The following HDAC4 variants were observed in gnomAD, a reference collection of about 807,000 sequenced individuals.
HDAC4 encodes histone deacetylase A.
A neutral mutation model predicts 135.1 loss-of-function variants in HDAC4; 16 were observed. The observed-to-expected ratio is 0.12, with a 90% CI of 0.08 to 0.18. HDAC4 has a LOEUF of 0.18. HDAC4 is among the 10% of genes least tolerant of loss of function. The pLI, the probability that HDAC4 is intolerant of heterozygous loss-of-function variation, is 1.00. For synonymous variants in HDAC4, 685 were observed against 653.4 expected (o/e 1.05, Z -0.74); for missense variants, 1,143 against 1,511.8 (o/e 0.76, Z 4.05).
At chr2:239,097,459 C>T (rs2037213223) in intron 16 of HDAC4, among the ~76,000 whole-genome samples, 1 of 152,242 alleles carries the variant, frequency 6.6e-6, no homozygotes, top group African/African-American at 2.4e-5. Context: ...CCCGTGTCCA[C>T]ATGTCAGCGT....
At chr2:239,112,473 C>A (rs1464867247) in intron 13 of HDAC4, among the ~76,000 whole-genome samples, 1 of 152,216 alleles carries the variant, frequency 6.6e-6, no homozygotes, top group Non-Finnish European at 1.5e-5. Flanking sequence ...TTCTGGGCAC[C>A]CAGGACCTTT....
At chr2:239,098,169 T>C (rs1315141366) in intron 16 of HDAC4, among the ~76,000 whole-genome samples, 1 of 152,212 alleles carries the variant, frequency 6.6e-6, no homozygotes, top group Admixed American at 6.5e-5. Context: ...TGCATGCGTA[T>C]AGGAATGGAG....
At chr2:239,129,222 C>G (rs1284505679) in intron 11 of HDAC4, among the ~76,000 whole-genome samples, 1 of 152,202 alleles carries the variant, frequency 6.6e-6, no homozygotes, top group African/African-American at 2.4e-5. Context: ...ACACCCTACC[C>G]CTGGGTATCC....
chr2:239,342,040 G>A (rs893084845), intron 2 of HDAC4, among the ~76,000 whole-genome samples: 4 of 152,124 alleles, frequency 2.6e-5, no homozygotes, highest in African/African-American at 7.2e-5. Flanking sequence ...CACCAAGTCC[G>A]CTGGCACCTT....
Position 239,308,825 on chromosome 2 carries a change from TC to T in HDAC4, c.22+43852del, listed in dbSNP as rs2052736477. Among the ~76,000 whole-genome samples the T allele has an allele frequency of 6.6e-6, 1 of 152,046 alleles. No homozygotes were observed. The highest frequency in any genetic ancestry group is 2.4e-5 in the African/African-American group (1 of 41,386). On this transcript the variant is annotated intron_variant, in intron 2 of 26. Transcript: ENST00000543185. This position sits in a 1 kb window ranked among gnomAD's most constrained non-coding sequence, Gnocchi z 4.2. ...GGCTCACGTTCCGAGTCCTCATTGCTCCCAGACCCAAGGGCAAGGCTGTCAC... is the reference window on the plus strand; with the variant it reads ...GGCTCACGTTCCGAGTCCTCATTGCTCCAGACCCAAGGGCAAGGCTGTCAC...
chr2:239,316,604 G>A (rs1268063899), intron 2 of HDAC4, among the ~76,000 whole-genome samples: 1 of 152,204 alleles, frequency 6.6e-6, no homozygotes, highest in Non-Finnish European at 1.5e-5. Context: ...CCCTAGGTAA[G>A]AGAGCGGCTG....
intron 12 of HDAC4, among the ~76,000 whole-genome samples, chr2:239,118,191 G>A (rs1247536232): frequency 1.3e-5 from 2 of 151,890 alleles, no homozygotes; most frequent in South Asian, 2.1e-4. Flanking sequence ...TGGGCGGGGG[G>A]TTTGTTTTAT....
intron 24 of HDAC4, among the ~76,000 whole-genome samples, chr2:239,063,171 C>G (rs1417005453): frequency 1.3e-5 from 2 of 152,074 alleles, no homozygotes; most frequent in Non-Finnish European, 1.5e-5. Context: ...CATCCCCCAT[C>G]CTCCCAAGCC....
At chr2:239,368,561 GA>G (rs1466034827) in intron 1 of HDAC4, among the ~76,000 whole-genome samples, 1 of 152,102 alleles carries the variant, frequency 6.6e-6, no homozygotes, top group African/African-American at 2.4e-5. Flanking sequence ...TCCATTGGGG[GA>G]TAACAGGGGG....
intron 6 of HDAC4, 64 bp downstream of exon 6, chr2:239,163,739 G>A: frequency 6.4e-7 from 1 of 1,550,522 alleles, no homozygotes; most frequent in Non-Finnish European, 8.9e-7. Flanking sequence ...AAATCTACCG[G>A]CGATCAGACA....
intron 1 of HDAC4, among the ~76,000 whole-genome samples, chr2:239,371,358 C>G (rs1033804685): frequency 3.3e-5 from 5 of 152,106 alleles, no homozygotes; most frequent in Non-Finnish European, 5.9e-5. Context: ...CACGCACACT[C>G]AAACCCATGC....
intron 2 of HDAC4, among the ~76,000 whole-genome samples, chr2:239,334,957 G>A (rs1020064648): frequency 7.4e-5 from 11 of 148,736 alleles, no homozygotes; most frequent in African/African-American, 2.2e-4. Context: ...CCTGGGAGGC[G>A]GAGCTTGCAG....
At chr2:239,251,036 G>T (rs1269959083) in intron 2 of HDAC4, among the ~76,000 whole-genome samples, 1 of 152,194 alleles carries the variant, frequency 6.6e-6, no homozygotes, top group African/African-American at 2.4e-5. Context: ...CTGGCACCTG[G>T]CCCTGTGGGC....
At chr2:239,166,759 T>C (rs2043144460) in intron 5 of HDAC4, among the ~76,000 whole-genome samples, 1 of 151,430 alleles carries the variant, frequency 6.6e-6, no homozygotes, top group East Asian at 1.9e-4. Context: ...CCTCCACAAC[T>C]AGGAATAAAA....
chr2:239,340,357 A>G (rs1459939799), intron 2 of HDAC4, among the ~76,000 whole-genome samples: 1 of 152,214 alleles, frequency 6.6e-6, no homozygotes, highest in African/African-American at 2.4e-5. Flanking sequence ...GAAGGCAGAT[A>G]GACAATTCAA....
intron 8 of HDAC4, chr2:239,140,789 T>C (rs776215482): frequency 2.5e-5 from 8 of 323,194 alleles, no homozygotes; most frequent in African/African-American, 6.7e-5. Context: ...AACGGAGCCA[T>C]CCCCAGCAAA....
At chr2:239,337,555 T>A (rs964007707) in intron 2 of HDAC4, among the ~76,000 whole-genome samples, 2 of 152,190 alleles carry the variant, frequency 1.3e-5, no homozygotes, top group African/African-American at 4.8e-5. Context: ...TCACATATTA[T>A]AGCGATGAGC....
intron 2 of HDAC4, among the ~76,000 whole-genome samples, chr2:239,238,609 G>A (rs1575492673): frequency 6.6e-6 from 1 of 152,182 alleles, no homozygotes. Flanking sequence ...GAGCAGCAGC[G>A]GTGGGGCCAG....
At chr2:239,327,035 C>A (rs963530098) in intron 2 of HDAC4, among the ~76,000 whole-genome samples, 1 of 152,250 alleles carries the variant, frequency 6.6e-6, no homozygotes, top group Non-Finnish European at 1.5e-5. Flanking sequence ...TGGCGGTGCA[C>A]CTGTTTCTGG....
Sources: gnomAD v4.1 joint callset for allele counts (sites outside exome capture counted in the v4.1 genomes callset) on GRCh38, gnomAD v4.1.1 for gene constraint, Gnocchi (gnomAD v3.1) non-coding constraint, MANE v1.5 for transcripts, NCBI Gene and HGNC (gene_info 2026-07-23, HGNC 2026-07-21) for gene names.